Variants in SLC25A18 observed in about 807,000 individuals in gnomAD.
SLC25A18 encodes mitochondrial glutamate carrier 2.
Under a neutral mutation model 31.1 loss-of-function variants are expected in SLC25A18, and 24 were observed. The observed-to-expected ratio is 0.77, with a 90% CI of 0.56 to 1.08. The LOEUF (loss-of-function observed/expected upper bound fraction) is 1.08. Among genes scored for constraint, SLC25A18 ranks in the 50% least tolerant of loss-of-function variants. The pLI, the probability that SLC25A18 is intolerant of heterozygous loss-of-function variation, is 0.00. For synonymous variants in SLC25A18, 173 were observed against 161.9 expected (o/e 1.07, Z -0.52); for missense variants, 371 against 418.5 (o/e 0.89, Z 0.99).
At chr22:17,576,802 G>A (rs1447895642) in intron 2 of SLC25A18, among the ~76,000 whole-genome samples, 1 of 152,184 alleles carries the variant, frequency 6.6e-6, no homozygotes, top group Non-Finnish European at 1.5e-5. Context: ...TCCGTGGGTG[G>A]AAACATTATC....
At chr22:17,573,022 A>C (rs1290551882) in intron 2 of SLC25A18, among the ~76,000 whole-genome samples, 1 of 152,052 alleles carries the variant, frequency 6.6e-6, no homozygotes, top group South Asian at 2.1e-4. Flanking sequence ...CTGAGGCGGG[A>C]GGATCCCTTG....
intron 2 of SLC25A18, among the ~76,000 whole-genome samples, chr22:17,574,620 G>C (rs1376904498): frequency 6.7e-6 from 1 of 149,564 alleles, no homozygotes; most frequent in Non-Finnish European, 1.5e-5. Flanking sequence ...GGGTTCAAGC[G>C]ATTCTCCTGC....
In SLC25A18 at chr22:17,581,350, G is replaced by C; in HGVS notation, c.144-8G>C. 6.2e-7 allele frequency: 1 copy of C among 1,614,048 alleles called. No individual in the cohort carries two copies. Among genetic ancestry groups the C allele is most frequent in the Non-Finnish European group, 8.5e-7 (1 of 1,179,994 alleles). ...CACACTTACTCCTACTCTGGCCTCT[G>C]CTTCCAGGATCGACTGCCTGATGAA... On this transcript the variant is annotated splice_region_variant and splice_polypyrimidine_tract_variant and intron_variant, in intron 4 of 10. Coordinates refer to ENST00000327451, the MANE Select transcript of SLC25A18 (RefSeq NM_031481.3).
intron 7 of SLC25A18, among the ~76,000 whole-genome samples, chr22:17,585,097 A>G (rs1013391850): frequency 1.4e-5 from 2 of 146,920 alleles, no homozygotes; most frequent in Non-Finnish European, 3.0e-5. Context: ...AGTCTCCAGT[A>G]AAAAAAAAAG....
chr22:17,580,304 A>C (rs532753978), intron 3 of SLC25A18: 1 of 258,514 alleles, frequency 3.9e-6, no homozygotes, highest in Admixed American at 5.5e-5. Flanking sequence ...TCCATCTCCA[A>C]ATATTTTGTT....
At chr22:17,565,844 G>A (rs1417885906) in intron 1 of SLC25A18, among the ~76,000 whole-genome samples, 1 of 152,188 alleles carries the variant, frequency 6.6e-6, no homozygotes, top group Non-Finnish European at 1.5e-5. Flanking sequence ...TCCAGCCTGG[G>A]CAACAAGAGT....
intron 7 of SLC25A18, among the ~76,000 whole-genome samples, chr22:17,585,650 AT>A (rs143835144): frequency 1.7e-3 from 232 of 137,202 alleles, no homozygotes; most frequent in African/African-American, 5.1e-3. Context: ...TATTATTATT[AT>A]TTTTTTTTTT....
intron 9 of SLC25A18, chr22:17,588,761 G>A (rs1280075903): frequency 6.6e-6 from 1 of 152,122 alleles, no homozygotes; most frequent in Non-Finnish European, 1.5e-5. Flanking sequence ...TAAACTTGCG[G>A]GTAGACTTCC....
intron 2 of SLC25A18, among the ~76,000 whole-genome samples, chr22:17,576,631 G>A (rs981493849): frequency 1.3e-5 from 2 of 152,160 alleles, no homozygotes; most frequent in Non-Finnish European, 2.9e-5. Flanking sequence ...TAATGGTTTC[G>A]CCTTTGTTGC....
chr22:17,568,159 T>C (rs2056985500), intron 1 of SLC25A18, among the ~76,000 whole-genome samples: 1 of 151,510 alleles, frequency 6.6e-6, no homozygotes, highest in East Asian at 1.9e-4. Context: ...GGTCAGGAGA[T>C]CAAGACCATC....
intron 5 of SLC25A18, chr22:17,581,640 C>G (rs1040238694): frequency 1.8e-6 from 1 of 559,452 alleles, no homozygotes; most frequent in Non-Finnish European, 3.2e-6. Flanking sequence ...TAAGAGCAGG[C>G]GAGCCCTCCC....
At chr22:17,577,592 T>TC (rs2057262195) in intron 2 of SLC25A18, among the ~76,000 whole-genome samples, 1 of 147,846 alleles carries the variant, frequency 6.8e-6, no homozygotes, top group African/African-American at 2.5e-5. Flanking sequence ...TTTTTTTTTT[T>TC]TTTTTTGAGA....
chr22:17,581,110 GCCAA>G lies in SLC25A18; in HGVS notation c.95_98del (p.Ala32GlyfsTer16), dbSNP rs1279695416. The G allele has an allele frequency of 6.3e-7, 1 of 1,583,482 alleles. No homozygotes were observed. The highest frequency in any genetic ancestry group is 8.6e-7 in the Non-Finnish European group (1 of 1,164,166). On this transcript the variant is annotated frameshift_variant, in exon 4 of 11. Transcript: ENST00000327451. LOFTEE classifies it high-confidence loss of function. ...GACCTGCGTGTTCCCCATCGACTTG[GCCAA>G]GACTCGCCTGCAGAACCAGCATGGG...
chr22:17,575,654 G>C (rs1228150614), intron 2 of SLC25A18, among the ~76,000 whole-genome samples: 2 of 152,192 alleles, frequency 1.3e-5, no homozygotes, highest in Non-Finnish European at 2.9e-5. Flanking sequence ...GGAGTTCCAG[G>C]GACGTGGCAG....
At chr22:17,564,828 G>T (rs2146196296) in intron 1 of SLC25A18, among the ~76,000 whole-genome samples, 1 of 132,004 alleles carries the variant, frequency 7.6e-6, no homozygotes, top group South Asian at 2.4e-4. Flanking sequence ...GTGCACTCCA[G>T]CCTGGGGGAC....
In SLC25A18 at chr22:17,564,616, C is replaced by A. The variant is rs544854530; in HGVS notation, c.-264+903C>A. ...GTGGCTCACACCTGTAATCCCAGCA[C>A]TTTGGGAGGCCAAGGCGGGCGGATC... On this transcript the variant is annotated intron_variant, in intron 1 of 10. Transcript: ENST00000327451. Among the ~76,000 whole-genome samples the A allele has an allele frequency of 1.6e-3, 237 of 152,220 alleles. 1 individual carries two copies. The highest frequency in any genetic ancestry group is 3.4e-3 in the Middle Eastern group (1 of 292).
intron 1 of SLC25A18, among the ~76,000 whole-genome samples, chr22:17,564,239 C>A (rs943726021): frequency 3.3e-5 from 5 of 152,238 alleles, no homozygotes; most frequent in Non-Finnish European, 7.3e-5. Context: ...CTCCCCACCA[C>A]CTCAGCCTGC....
At chr22:17,584,399 A>AAAG (rs2057464585) in intron 7 of SLC25A18, among the ~76,000 whole-genome samples, 1 of 110,810 alleles carries the variant, frequency 9.0e-6, no homozygotes, top group African/African-American at 3.5e-5. Flanking sequence ...TCTCAAAAAG[A>AAAG]AAAGAAAGAA....
At chr22:17,581,262 G>A in intron 4 of SLC25A18, 96 bp from the exon 5 acceptor site, 2 of 1,584,920 alleles carry the variant, frequency 1.3e-6, no homozygotes, top group Non-Finnish European at 1.7e-6. Flanking sequence ...TGGGGGCTGG[G>A]GATCTGATCA....
Sources: allele counts gnomAD v4.1 joint callset (sites outside exome capture counted in the v4.1 genomes callset), GRCh38; gene constraint gnomAD v4.1.1; transcripts MANE v1.5; gene names NCBI Gene and HGNC (gene_info 2026-07-23, HGNC 2026-07-21).